CYRIB: variants seen among roughly 807,000 people sequenced by gnomAD.
CYRIB encodes CYFIP related Rac1 interactor B, also known as CYFIP-related Rac1 interactor B.
In CYRIB, 8 loss-of-function variants were observed where a neutral mutation model predicts 44.2. The observed-to-expected ratio is 0.18, with a 90% confidence interval of 0.11 to 0.33. The LOEUF is 0.33. Among genes scored for constraint, CYRIB ranks in the 10% least tolerant of loss-of-function variants. The probability of loss-of-function intolerance (pLI) is 1.00; values close to 1 mark genes in which losing one functional copy is unlikely to be tolerated. For missense variants in CYRIB, 185 were observed against 382.8 expected (o/e 0.48, Z 4.31); for synonymous variants, 131 against 127.2 (o/e 1.03, Z -0.20).
At chr8:129,975,322 A>T (rs2095872308) in intron 1 of CYRIB, among the ~76,000 whole-genome samples, 1 of 152,152 alleles carries the variant, frequency 6.6e-6, no homozygotes, top group Non-Finnish European at 1.5e-5. Flanking sequence ...GAAACAGATG[A>T]TTTTTAAGGA....
intron 2 of CYRIB, among the ~76,000 whole-genome samples, chr8:129,951,435 G>A (rs894651727): frequency 6.6e-6 from 1 of 152,048 alleles, no homozygotes; most frequent in South Asian, 2.1e-4. Flanking sequence ...GGCCAGTTGC[G>A]GTGGCTCATG....
At chr8:129,848,908 A>G (rs577825682) in intron 10 of CYRIB, among the ~76,000 whole-genome samples, 2 of 152,294 alleles carry the variant, frequency 1.3e-5, no homozygotes, top group Non-Finnish European at 2.9e-5. Flanking sequence ...TGAAATAAAC[A>G]TTTTATTTGA....
At chr8:129,922,379 A>T (rs2084136372) in intron 1 of CYRIB, among the ~76,000 whole-genome samples, 1 of 152,240 alleles carries the variant, frequency 6.6e-6, no homozygotes, top group Non-Finnish European at 1.5e-5. Context: ...TGGTACAAAT[A>T]TAACTCTAAA....
At chr8:129,860,991 T>G (rs1422038218) in intron 5 of CYRIB, among the ~76,000 whole-genome samples, 1 of 152,232 alleles carries the variant, frequency 6.6e-6, no homozygotes, top group Non-Finnish European at 1.5e-5. Flanking sequence ...GGGTCCCCAG[T>G]TTGACTTCAG....
chr8:129,944,655 C>G (rs117204509), upstream of CYRIB, among the ~76,000 whole-genome samples: 1 of 151,890 alleles, frequency 6.6e-6, no homozygotes, highest in African/African-American at 2.4e-5. Context: ...TGGTGGCACA[C>G]GCTTGTATTC....
chr8:129,937,424 C>T (rs1318055996), intron 1 of CYRIB, among the ~76,000 whole-genome samples: 1 of 152,208 alleles, frequency 6.6e-6, no homozygotes, highest in Non-Finnish European at 1.5e-5. Flanking sequence ...CTCTATACTT[C>T]TCCATCAATT....
At chr8:130,007,577 G>A (rs1490705897) in intron 1 of CYRIB, among the ~76,000 whole-genome samples, 1 of 152,066 alleles carries the variant, frequency 6.6e-6, no homozygotes, top group Non-Finnish European at 1.5e-5. Context: ...CTGAGGTCAG[G>A]AGTTCGAGAC....
intron 2 of CYRIB, among the ~76,000 whole-genome samples, chr8:129,892,054 T>A (rs2065660843): frequency 6.6e-6 from 1 of 152,074 alleles, no homozygotes; most frequent in Non-Finnish European, 1.5e-5. Context: ...TAAAAAAACC[T>A]CTATTACAGG....
chr8:129,957,110 C>T (rs1185689607), intron 2 of CYRIB, among the ~76,000 whole-genome samples: 1 of 152,216 alleles, frequency 6.6e-6, no homozygotes, highest in Non-Finnish European at 1.5e-5. Context: ...AATCCTCCCA[C>T]CACAGCCTCC....
chr8:129,984,482 G>A (rs2096375376), intron 1 of CYRIB, among the ~76,000 whole-genome samples: 1 of 152,126 alleles, frequency 6.6e-6, no homozygotes, highest in African/African-American at 2.4e-5. Flanking sequence ...TCAGAGAGAT[G>A]GGATGAGTCA....
chr8:129,951,023 G>A (rs2094472823), intron 2 of CYRIB, among the ~76,000 whole-genome samples: 2 of 152,196 alleles, frequency 1.3e-5, no homozygotes, highest in Admixed American at 1.3e-4. Context: ...ACATAGTCCT[G>A]GCCAGACAGG....
At chr8:129,922,461 G>T (rs1251601346) in intron 1 of CYRIB, among the ~76,000 whole-genome samples, 1 of 151,996 alleles carries the variant, frequency 6.6e-6, no homozygotes, top group Non-Finnish European at 1.5e-5. Flanking sequence ...ATATTTAAGA[G>T]GTCCCAGGAT....
intron 3 of CYRIB, among the ~76,000 whole-genome samples, chr8:129,873,120 T>C (rs1250155884): frequency 2.0e-5 from 3 of 152,020 alleles, no homozygotes; most frequent in Admixed American, 1.3e-4. Context: ...TAAAGTAACA[T>C]TCATATGTAA....
chr8:129,855,390 C>CG (rs376078089), intron 6 of CYRIB, among the ~76,000 whole-genome samples: 1 of 102,324 alleles, frequency 9.8e-6, no homozygotes, highest in Admixed American at 1.1e-4. Context: ...GGCTCTGCCT[C>CG]AAAAAAAAAA....
At chr8:129,938,138 G>C (rs2093141237) in intron 1 of CYRIB, among the ~76,000 whole-genome samples, 1 of 152,006 alleles carries the variant, frequency 6.6e-6, no homozygotes, top group South Asian at 2.1e-4. Flanking sequence ...AAAAAGTGCT[G>C]TCATTTCATT....
At chr8:129,879,608 T>G in intron 2 of CYRIB, 137 bp from the exon 5 acceptor site, 1 of 653,192 alleles carries the variant, frequency 1.5e-6, no homozygotes, top group South Asian at 2.0e-5. Flanking sequence ...CAGACTGTGC[T>G]CTGGCAGACA....
At chr8:129,864,762 C>T (rs1053796158) in intron 4 of CYRIB, 2 of 389,200 alleles carry the variant, frequency 5.1e-6, no homozygotes, top group African/African-American at 4.3e-5. Context: ...CGGTACATTG[C>T]TAAGGAGTGA....
At chr8:129,985,160 T>A (rs1217361562) in intron 1 of CYRIB, among the ~76,000 whole-genome samples, 27 of 152,192 alleles carry the variant, frequency 1.8e-4, no homozygotes, top group Admixed American at 1.8e-3. Flanking sequence ...TCTTAACCTC[T>A]CTGGGCTCAG....
intron 7 of CYRIB, among the ~76,000 whole-genome samples, chr8:129,853,496 A>G (rs893249076): frequency 2.0e-5 from 3 of 152,124 alleles, no homozygotes; most frequent in Non-Finnish European, 4.4e-5. Flanking sequence ...GCCACTTATT[A>G]CTCCTTACAT....
Sources: allele counts gnomAD v4.1 joint callset (sites outside exome capture counted in the v4.1 genomes callset), GRCh38; gene constraint gnomAD v4.1.1; transcripts MANE v1.5; gene names NCBI Gene and HGNC (gene_info 2026-07-23, HGNC 2026-07-21).